Variants in IFT80 observed in about 807,000 individuals in gnomAD.
IFT80 encodes the protein intraflagellar transport 80, also known as intraflagellar transport protein 80 homolog.
IFT80 carries 79 observed loss-of-function variants against 107.9 expected under a neutral mutation model. That is an observed-to-expected ratio of 0.73 (90% CI 0.61 to 0.88). IFT80 has a LOEUF of 0.88. IFT80 is among the 40% of genes least tolerant of loss of function. The pLI is 0.00. For synonymous variants in IFT80, 299 were observed against 300.9 expected (o/e 0.99, Z 0.07); for missense variants, 797 against 914.2 (o/e 0.87, Z 1.65).
chr3:160,261,890 A>C (rs1712871512), intron 19 of IFT80, among the ~76,000 whole-genome samples: 1 of 151,886 alleles, frequency 6.6e-6, no homozygotes, highest in Non-Finnish European at 1.5e-5. Flanking sequence ...GCAGAAGTAC[A>C]CGGACGGCCC....
intron 7 of IFT80, among the ~76,000 whole-genome samples, chr3:160,356,566 G>A (rs903893032): frequency 6.6e-6 from 1 of 152,162 alleles, no homozygotes; most frequent in East Asian, 1.9e-4. Flanking sequence ...TGTGGCCCAG[G>A]CTGGAGTACA....
intron 19 of IFT80, among the ~76,000 whole-genome samples, chr3:160,261,249 C>A (rs144243410): frequency 6.6e-6 from 1 of 151,884 alleles, no homozygotes; most frequent in African/African-American, 2.4e-5. Flanking sequence ...AAACCACCTT[C>A]GGCTGTTTTC....
rs1162060765 is a variant in IFT80, at chr3:160,381,623, T to C, written c.139A>G (p.Thr47Ala). The C allele has an allele frequency of 6.2e-7, 1 of 1,613,000 alleles. No homozygotes were observed. The highest frequency in any genetic ancestry group is 8.5e-7 in the Non-Finnish European group (1 of 1,179,886). The change falls in exon 3 of 20, where the codon ACA becomes GCA. Residue 47 changes from threonine to alanine, a missense_variant. Coordinates refer to ENST00000326448, the MANE Select transcript of IFT80 (RefSeq NM_020800.3). ...IVKWNLLTSE[T>A]TQIVKLPDDI... ...TCAGGAAGCTTTACTATTTGAGTTG[T>C]TTCACTGGTTAACAAGTTCCACTTC...
chr3:160,395,311 A>T (rs1576915342), intron 1 of IFT80, among the ~76,000 whole-genome samples: 1 of 152,368 alleles, frequency 6.6e-6, no homozygotes, highest in South Asian at 2.1e-4. Flanking sequence ...AGTTATGATG[A>T]TTAAATGAGA....
intron 8 of IFT80, among the ~76,000 whole-genome samples, chr3:160,331,722 G>A (rs1471338814): frequency 6.6e-6 from 1 of 151,894 alleles, no homozygotes; most frequent in African/African-American, 2.4e-5. Context: ...GTACAGTGAT[G>A]CAATAATAGC....
At position 160,381,266 on chromosome 3, in the gene IFT80, T is replaced by TATATATATATA. The variant is rs1553766638; in HGVS notation, c.259+236_259+237insTATATATATAT. On this transcript the variant is annotated intron_variant, in intron 3 of 19. Transcript: ENST00000326448. ...TATATATATATATATATATATATAT[T>TATATATATATA]AAAGCCAAAGACCCATATTCAATCC... is the stretch of plus-strand genomic sequence containing the variant. Among the ~76,000 whole-genome samples the TATATATATATA allele has an allele frequency of 4.0e-4, 28 of 70,664 alleles. 3 individuals are homozygous for TATATATATATA. Among genetic ancestry groups the TATATATATATA allele is most frequent in the Non-Finnish European group, 5.4e-4 (16 of 29,582 alleles). 46.4% of individuals were successfully genotyped at this position (70,664 alleles called of 152,430 possible). A position where few individuals can be genotyped will look rare whatever the true frequency, so the allele number is the denominator to read the frequency against.
chr3:160,360,083 A>C (rs1287635078), intron 6 of IFT80, among the ~76,000 whole-genome samples: 1 of 152,224 alleles, frequency 6.6e-6, no homozygotes, highest in Admixed American at 6.5e-5. Flanking sequence ...GTCCTAAGCC[A>C]TCACAAGGAA....
chr3:160,312,212 G>A (rs1717325140), intron 9 of IFT80, among the ~76,000 whole-genome samples: 1 of 152,094 alleles, frequency 6.6e-6, no homozygotes, highest in African/African-American at 2.4e-5. Context: ...GGTGCCCTCT[G>A]GAACTGAGCA....
In IFT80 at chr3:160,298,061, C is replaced by A. The variant is rs568500804; in HGVS notation, c.1315+2822G>T. 2.7e-3 allele frequency among the ~76,000 whole-genome samples: 408 copies of A among 152,130 alleles called. 4 individuals are homozygous for A. Among genetic ancestry groups the A allele is most frequent in the African/African-American group, 8.7e-3 (362 of 41,494 alleles). On this transcript the variant is annotated intron_variant, in intron 12 of 19. Coordinates refer to ENST00000326448, the MANE Select transcript of IFT80 (RefSeq NM_020800.3). ...TGCAAAGTGAATAGGGAGAAGAAGG[C>A]AGGCAAAAATAGCAGCTCTAGTACT...
At position 160,357,472 on chromosome 3, in the gene IFT80, A is replaced by C. The variant is rs1420456764; in HGVS notation, c.639+17T>G. The C allele has an allele frequency of 7.8e-7, 1 of 1,289,564 alleles. No homozygotes were observed. Among genetic ancestry groups the C allele is most frequent in the South Asian group, 1.2e-5 (1 of 80,820 alleles). 79.9% of individuals were successfully genotyped at this position (1,289,564 alleles called of 1,614,324 possible). On this transcript the variant is annotated intron_variant, in intron 7 of 19. Transcript: ENST00000326448. ...TTTGATTATTTCAGCCAAGTGATAA[A>C]TCTAAACATTATATACCTTATATTT...
At chr3:160,283,431 A>C (rs957206524) in intron 13 of IFT80, among the ~76,000 whole-genome samples, 1 of 152,222 alleles carries the variant, frequency 6.6e-6, no homozygotes, top group Non-Finnish European at 1.5e-5. Flanking sequence ...TATAAAAAAC[A>C]CTTTTTAAAG....
At chr3:160,327,366 C>A (rs1160083411) in intron 8 of IFT80, among the ~76,000 whole-genome samples, 1 of 151,930 alleles carries the variant, frequency 6.6e-6, no homozygotes, top group Non-Finnish European at 1.5e-5. Flanking sequence ...CCTGAACAGC[C>A]AAGACAATCC....
At chr3:160,296,690 T>C (rs1319329331) in intron 12 of IFT80, among the ~76,000 whole-genome samples, 3 of 152,180 alleles carry the variant, frequency 2.0e-5, no homozygotes, top group Non-Finnish European at 2.9e-5. Flanking sequence ...GACAATTTGC[T>C]ATTCAACCTT....
At chr3:160,277,169 A>G in intron 18 of IFT80, 137 bp downstream of exon 18, 1 of 779,444 alleles carries the variant, frequency 1.3e-6, no homozygotes, top group Non-Finnish European at 2.2e-6. Flanking sequence ...AACTATTCAC[A>G]AATATGAATA....
rs547104067 is a variant in IFT80 at position 160,335,001 on chromosome 3, G to A, written c.778-15062C>T. Among the ~76,000 whole-genome samples the A allele has an allele frequency of 1.2e-4, 18 of 151,902 alleles. No individual in the cohort carries two copies. In the South Asian group the frequency reaches 3.5e-3, roughly 30 times the overall value. ...ATTGAGTTGATCATTGCTTTTCTAG[G>A]TCTTTTTAGTGGAAAGAAATAGGTA... On this transcript the variant is annotated intron_variant, in intron 8 of 19. Transcript: ENST00000326448.
intron 8 of IFT80, chr3:160,343,749 G>A (rs575477798): frequency 3.6e-5 from 11 of 308,742 alleles, no homozygotes; most frequent in Non-Finnish European, 7.0e-5. Context: ...AATTTTTATA[G>A]CACTCATTAC....
intron 8 of IFT80, among the ~76,000 whole-genome samples, chr3:160,353,656 G>C (rs992409756): frequency 6.6e-6 from 1 of 152,138 alleles, no homozygotes; most frequent in Non-Finnish European, 1.5e-5. Flanking sequence ...TCTAGTCAAT[G>C]TCCCACAGGC....
At chr3:160,296,664 C>T (rs1012367203) in intron 12 of IFT80, among the ~76,000 whole-genome samples, 2 of 152,054 alleles carry the variant, frequency 1.3e-5, no homozygotes, top group Non-Finnish European at 2.9e-5. Context: ...CAACTCCTAC[C>T]CATTCTTCAA....
chr3:160,377,023 A>C (rs1167855259), intron 4 of IFT80, among the ~76,000 whole-genome samples: 2 of 152,218 alleles, frequency 1.3e-5, no homozygotes, highest in African/African-American at 4.8e-5. Flanking sequence ...TATGATTTTA[A>C]GTCACTAACT....
Sources: gnomAD v4.1 joint callset for allele counts (sites outside exome capture counted in the v4.1 genomes callset) on GRCh38, gnomAD v4.1.1 for gene constraint, MANE v1.5 for transcripts, NCBI Gene and HGNC (gene_info 2026-07-23, HGNC 2026-07-21) for gene names.